Variants in BLK observed in about 807,000 individuals in gnomAD.
BLK encodes the protein BLK proto-oncogene, Src family tyrosine kinase.
Under a neutral mutation model 61.8 loss-of-function variants are expected in BLK, and 64 were observed. That is an observed-to-expected ratio of 1.03 (90% CI 0.85 to 1.27). BLK has a LOEUF of 1.27. Ranked by LOEUF, BLK falls within the 50% of genes most tolerant of loss-of-function variation. The pLI is 0.00. For synonymous variants in BLK, 351 were observed against 272.0 expected, an observed-to-expected ratio of 1.29 and a Z score of -2.86; for missense variants, 853 against 660.5, an observed-to-expected ratio of 1.29 and a Z score of -3.19.
In BLK at chr8:11,564,493, G is replaced by T; in HGVS notation, c.*385G>T. On this transcript the variant is annotated 3_prime_UTR_variant, in exon 13 of 13. Coordinates refer to ENST00000259089, the MANE Select transcript of BLK (RefSeq NM_001715.3). ...CCCTGCGTGGACCCCGCCCTGCCCC[G>T]CTACAGAAGCCAGACTGGGTCCCGC... 1 of 511,936 alleles carries T rather than the reference G, an allele frequency of 2.0e-6. No homozygotes were observed. Among genetic ancestry groups the T allele is most frequent in the South Asian group, 1.5e-5 (1 of 64,974 alleles). 31.7% of individuals were successfully genotyped at this position (511,936 alleles called of 1,614,324 possible). A position where few individuals can be genotyped will look rare whatever the true frequency, so the allele number is the denominator to read the frequency against.
At chr8:11,543,151 A>C in intron 1 of BLK, 73 bp from the exon 2 acceptor site, 1 of 1,607,234 alleles carries the variant, frequency 6.2e-7, no homozygotes. Context: ...GGAAGGGGCC[A>C]GGGATCCCCT....
At chr8:11,538,284 G>C (rs981981724) in intron 1 of BLK, among the ~76,000 whole-genome samples, 4 of 152,216 alleles carry the variant, frequency 2.6e-5, no homozygotes. Flanking sequence ...TTTTGCCTCT[G>C]TCTGGACTTC....
chr8:11,558,940 C>T (rs763047989), intron 10 of BLK: 2 of 456,208 alleles, frequency 4.4e-6, no homozygotes, highest in Non-Finnish European at 8.8e-6. Flanking sequence ...GAACTGATGC[C>T]ACAACGCCTT....
intron 10 of BLK, chr8:11,559,089 C>T (rs879501440): frequency 3.6e-5 from 16 of 442,124 alleles, no homozygotes; most frequent in African/African-American, 1.2e-4. Flanking sequence ...TCTCACCCTC[C>T]GCTGTCTCCT....
At chr8:11,504,279 C>T (rs2117256020) in intron 1 of BLK, among the ~76,000 whole-genome samples, 1 of 150,708 alleles carries the variant, frequency 6.6e-6, no homozygotes, top group African/African-American at 2.4e-5. Flanking sequence ...GCTGAGATCG[C>T]ACCATTGCAC....
At chr8:11,502,153 A>C (rs1441640319) in intron 1 of BLK, among the ~76,000 whole-genome samples, 4 of 152,260 alleles carry the variant, frequency 2.6e-5, no homozygotes, top group Non-Finnish European at 5.9e-5. Context: ...AAGCATAGCT[A>C]TTATTAAGAT....
intron 5 of BLK, 75 bp downstream of exon 5, chr8:11,549,197 A>G: frequency 5.8e-6 from 8 of 1,368,578 alleles, no homozygotes; most frequent in Non-Finnish European, 8.2e-6. Context: ...TAGGCAGGGC[A>G]GGGCCAGAGT....
At position 11,547,971 on chromosome 8, in the gene BLK, C is replaced by G. The variant is rs989389781; in HGVS notation, c.176-61C>G. On this transcript the variant is annotated intron_variant, in intron 3 of 12. Coordinates refer to ENST00000259089, the MANE Select transcript of BLK (RefSeq NM_001715.3). Reference sequence around the variant, plus strand: ...GTCCTCCTTGGTAGCCAGGCTCACCCCAGCCCCACCTTCCCGCTTGTGGGC... The same window carrying G: ...GTCCTCCTTGGTAGCCAGGCTCACCGCAGCCCCACCTTCCCGCTTGTGGGC... 2.1e-6 allele frequency: 3 copies of G among 1,448,252 alleles called. No homozygotes were observed. In the African/African-American group the frequency reaches 4.2e-5, roughly 20 times the overall value. The allele number at this position is 1,448,252 out of a possible 1,614,324, so 89.7% of individuals were successfully genotyped here. A position where few individuals can be genotyped will look rare whatever the true frequency, so the allele number is the denominator to read the frequency against.
intron 1 of BLK, among the ~76,000 whole-genome samples, chr8:11,508,454 G>A (rs796665465): frequency 5.3e-5 from 8 of 152,306 alleles, no homozygotes; most frequent in African/African-American, 1.9e-4. Context: ...GCCCCATGGC[G>A]AAGCCATCAT....
At chr8:11,536,526 G>T (rs1183402552) in intron 1 of BLK, among the ~76,000 whole-genome samples, 1 of 152,174 alleles carries the variant, frequency 6.6e-6, no homozygotes, top group African/African-American at 2.4e-5. Context: ...AAGTAGCTGG[G>T]ATTACAGGCA....
intron 1 of BLK, among the ~76,000 whole-genome samples, chr8:11,495,555 C>A (rs564534540): frequency 4.6e-5 from 7 of 152,250 alleles, no homozygotes; most frequent in African/African-American, 1.7e-4. Context: ...CAACTCATAA[C>A]CCCAGTCAAA....
chr8:11,544,255 G>A (rs138102679), intron 2 of BLK, among the ~76,000 whole-genome samples: 30 of 152,234 alleles, frequency 2.0e-4, no homozygotes, highest in Non-Finnish European at 3.4e-4. Context: ...TTGAGCATCC[G>A]TGCCGGGCCT....
At chr8:11,560,565 G>T (rs774436285) in intron 10 of BLK, 21 of 300,640 alleles carry the variant, frequency 7.0e-5, no homozygotes, top group Admixed American at 1.9e-4. Flanking sequence ...TTGATTGGGT[G>T]AATAAAGCCT....
intron 2 of BLK, among the ~76,000 whole-genome samples, chr8:11,544,439 A>T: frequency 6.6e-6 from 1 of 152,212 alleles, no homozygotes; most frequent in African/African-American, 2.4e-5. Flanking sequence ...GGGGATTACT[A>T]ATCCCACTTC....
rs772087915 is a variant in BLK, at chr8:11,561,238, G to T, written c.1030-64G>T. On this transcript the variant is annotated intron_variant, in intron 10 of 12. Coordinates refer to ENST00000259089, the MANE Select transcript of BLK (RefSeq NM_001715.3). ...CCACAGGGGCTGTGCGGGGGACACA[G>T]TGTGGGCTCGGTCTTGGCGTGGAGG... 1,690 of 1,576,518 alleles carry T rather than the reference G, an allele frequency of 1.1e-3. 2 individuals carry two copies. Among genetic ancestry groups the T allele is most frequent in the Non-Finnish European group, 1.4e-3 (1,578 of 1,159,552 alleles).
intron 3 of BLK, 60 bp downstream of exon 3, chr8:11,546,163 T>C: frequency 1.9e-6 from 3 of 1,591,964 alleles, no homozygotes; most frequent in Non-Finnish European, 2.6e-6. Flanking sequence ...GTGGCAGCTT[T>C]GTGGAGTTGG....
intron 1 of BLK, among the ~76,000 whole-genome samples, chr8:11,496,104 T>C (rs1337122086): frequency 1.3e-5 from 2 of 152,240 alleles, no homozygotes; most frequent in Non-Finnish European, 2.9e-5. Context: ...TTTTTGACCA[T>C]CCATCATTCT....
At chr8:11,514,030 A>G (rs1233595210) in intron 1 of BLK, among the ~76,000 whole-genome samples, 2 of 152,238 alleles carry the variant, frequency 1.3e-5, no homozygotes, top group African/African-American at 2.4e-5. Flanking sequence ...ATTGAACCCA[A>G]TAAAACTCGT....
At chr8:11,538,407 T>G (rs781005098) in intron 1 of BLK, among the ~76,000 whole-genome samples, 3 of 152,142 alleles carry the variant, frequency 2.0e-5, no homozygotes, top group Non-Finnish European at 4.4e-5. Flanking sequence ...TCAAAGCCAC[T>G]GGAGTAGGGG....
Sources: gnomAD v4.1 joint callset for allele counts (sites outside exome capture counted in the v4.1 genomes callset) on GRCh38, gnomAD v4.1.1 for gene constraint, MANE v1.5 for transcripts, NCBI Gene and HGNC (gene_info 2026-07-23, HGNC 2026-07-21) for gene names.